C3orf49: variants seen among roughly 807,000 people sequenced by gnomAD.
The protein encoded by C3orf49 is chromosome 3 open reading frame 49.
In C3orf49, 27 loss-of-function variants were observed where a neutral mutation model predicts 13.3. The observed-to-expected ratio is 2.02, with a 90% CI of 1.49 to 2.79. The LOEUF is 2.79. Among genes scored for constraint, C3orf49 ranks in the 30% most tolerant of loss-of-function variants. The pLI is 0.00. For synonymous variants in C3orf49, 87 were observed against 47.6 expected, an observed-to-expected ratio of 1.83 and a Z score of -3.40; for missense variants, 242 against 134.2, an observed-to-expected ratio of 1.80 and a Z score of -3.97.
chr3:63,823,308 G>T lies in C3orf49; in HGVS notation c.184G>T (p.Glu62Ter). The change falls in exon 2 of 7, where the codon GAA becomes TAA. Residue 62 changes from glutamate (E) to a stop codon, truncating the protein, a stop_gained. Coordinates refer to ENST00000295896, the MANE Select transcript of C3orf49 (RefSeq NM_001355236.2). LOFTEE classifies it high-confidence loss of function. Reference protein sequence around the residue: ...LKQNVLVPKEESSSDSDMGFH... With the variant: ...LKQNVLVPKE ...ACAAAATGTATTGGTCCCTAAAGAG[G>T]AATCATCCAGTGATAGTGACATGGG... The T allele has an allele frequency of 2.8e-6, 2 of 703,014 alleles. No homozygotes were observed. The highest frequency in any genetic ancestry group is 2.6e-6 in the Non-Finnish European group (1 of 385,024). The allele number at this position is 703,014 out of a possible 1,614,324, so 43.5% of individuals were successfully genotyped here.
chr3:63,842,667 A>C (rs759329704), intron 5 of C3orf49, among the ~76,000 whole-genome samples: 16 of 152,166 alleles, frequency 1.1e-4, no homozygotes, highest in Admixed American at 3.3e-4. Flanking sequence ...CAAAACATAC[A>C]GAGTGACATA....
At chr3:63,802,939 AAC>A in the C3orf49 span, among the ~76,000 whole-genome samples, 1 of 152,052 alleles carries the variant, frequency 6.6e-6, no homozygotes, top group Non-Finnish European at 1.5e-5. Flanking sequence ...AAAACTACTG[AAC>A]ACTCTTTGCC....
intron 5 of C3orf49, among the ~76,000 whole-genome samples, chr3:63,843,868 T>C (rs1701825565): frequency 6.6e-6 from 1 of 151,500 alleles, no homozygotes; most frequent in Non-Finnish European, 1.5e-5. Flanking sequence ...GCCACTGCAC[T>C]CCAGCCTGGG....
At chr3:63,783,102 G>A in the C3orf49 span, 5 of 152,184 alleles carry the variant, frequency 3.3e-5, no homozygotes, top group South Asian at 2.1e-4. Context: ...CTCCCAATTT[G>A]CCCAGGACTG....
intron 2 of C3orf49, among the ~76,000 whole-genome samples, chr3:63,824,051 T>C (rs1480461219): frequency 2.0e-5 from 3 of 152,104 alleles, no homozygotes; most frequent in African/African-American, 7.2e-5. Flanking sequence ...TCCGTTCGCC[T>C]CGGCCTCCCA....
chr3:63,818,216 G>A (rs576849780), upstream of C3orf49, among the ~76,000 whole-genome samples: 1 of 151,972 alleles, frequency 6.6e-6, no homozygotes. Flanking sequence ...CTATGGCTTG[G>A]GCACTATGAG....
chr3:63,835,384 T>C (rs1281432112), intron 5 of C3orf49: 3 of 1,613,236 alleles, frequency 1.9e-6, no homozygotes, highest in African/African-American at 2.7e-5. Flanking sequence ...CCAGAGCCTC[T>C]AGTTCCCTGG....
At chr3:63,810,382 T>C in the C3orf49 span, among the ~76,000 whole-genome samples, 1 of 152,228 alleles carries the variant, frequency 6.6e-6, no homozygotes, top group Non-Finnish European at 1.5e-5. Context: ...CCTCGCTGTA[T>C]GCTCAGTACT....
chr3:63,815,726 G>A (rs561721833), upstream of C3orf49, among the ~76,000 whole-genome samples: 10 of 149,406 alleles, frequency 6.7e-5, no homozygotes, highest in East Asian at 9.8e-4. Context: ...TTTCTACCAC[G>A]TTTTTCTACT....
chr3:63,846,301 G>A, intron 6 of C3orf49: 1 of 386,170 alleles, frequency 2.6e-6, no homozygotes. Context: ...TGCACTCCCT[G>A]GACAAAAATG....
the C3orf49 span, among the ~76,000 whole-genome samples, chr3:63,807,052 C>T: frequency 6.6e-6 from 1 of 151,834 alleles, no homozygotes; most frequent in Non-Finnish European, 1.5e-5. Flanking sequence ...CCTGGGTTCA[C>T]GTCATTCTCC....
At chr3:63,816,668 T>G (rs149352718), upstream of C3orf49, among the ~76,000 whole-genome samples, 155 of 152,062 alleles carry the variant, frequency 1.0e-3, no homozygotes, top group African/African-American at 3.5e-3. Context: ...TTTAATTTGA[T>G]CTATAGGACT....
the C3orf49 span, among the ~76,000 whole-genome samples, chr3:63,805,726 T>C: frequency 6.6e-6 from 1 of 152,216 alleles, no homozygotes; most frequent in Non-Finnish European, 1.5e-5. Context: ...GCCTGACCTT[T>C]GACCTGGAGG....
intron 5 of C3orf49, among the ~76,000 whole-genome samples, chr3:63,843,710 C>A (rs906744778): frequency 2.6e-5 from 4 of 152,044 alleles, no homozygotes; most frequent in Non-Finnish European, 4.4e-5. Context: ...ACCATCCTGG[C>A]TAACACAGTG....
the C3orf49 span, among the ~76,000 whole-genome samples, chr3:63,786,870 C>G: frequency 2.0e-4 from 30 of 152,160 alleles, no homozygotes; most frequent in African/African-American, 6.3e-4. Context: ...CACATTTTAT[C>G]CCTAAGATAA....
intron 6 of C3orf49, among the ~76,000 whole-genome samples, chr3:63,847,643 A>G (rs932086657): frequency 6.6e-6 from 1 of 152,188 alleles, no homozygotes; most frequent in Admixed American, 6.5e-5. Flanking sequence ...AGGCTGAGGA[A>G]GGAGAATTGC....
intron 5 of C3orf49, chr3:63,838,604 G>T: frequency 1.8e-6 from 2 of 1,127,678 alleles, no homozygotes; most frequent in Non-Finnish European, 2.5e-6. Flanking sequence ...AGCAAGTTCT[G>T]AGAGAATCAT....
the C3orf49 span, among the ~76,000 whole-genome samples, chr3:63,808,218 T>C: frequency 6.6e-6 from 1 of 152,242 alleles, no homozygotes; most frequent in African/African-American, 2.4e-5. Context: ...AGATAAGTGA[T>C]ACAGATTATT....
intron 5 of C3orf49, chr3:63,835,063 T>TG: frequency 7.9e-7 from 1 of 1,273,702 alleles, no homozygotes. Context: ...GAAGGTATAC[T>TG]GTCTCTCCAA....
Sources: gnomAD v4.1 joint callset for allele counts (sites outside exome capture counted in the v4.1 genomes callset) on GRCh38, gnomAD v4.1.1 for gene constraint, MANE v1.5 for transcripts, NCBI Gene and HGNC (gene_info 2026-07-23, HGNC 2026-07-21) for gene names.